SMARCC2: variants seen among roughly 807,000 people sequenced by gnomAD.
SMARCC2 encodes the protein SWI/SNF complex subunit SMARCC2.
SMARCC2 carries 15 observed loss-of-function variants against 151.3 expected under a neutral mutation model. The ratio of observed to expected loss-of-function variants is 0.10; its 90% CI spans 0.07 to 0.15. SMARCC2 has a LOEUF of 0.15. SMARCC2 is among the 10% of genes least tolerant of loss of function. The pLI, the probability that SMARCC2 is intolerant of heterozygous loss-of-function variation, is 1.00. For missense variants in SMARCC2, 1,031 were observed against 1,599.7 expected (o/e 0.64, Z 6.06); for synonymous variants, 590 against 609.5 (o/e 0.97, Z 0.47).
At chr12:56,163,880 G>A (rs1210167290) in intron 28 of SMARCC2, 115 bp from the exon 29 acceptor site, 3 of 617,724 alleles carry the variant, frequency 4.9e-6, no homozygotes, top group Admixed American at 3.8e-5. Flanking sequence ...GTGGATGAAT[G>A]AGGTACCCAT....
At position 56,168,102 on chromosome 12, in the gene SMARCC2, G is replaced by A. The variant is rs1453370183; in HGVS notation, c.2808C>T (p.His936=). 6.2e-7 allele frequency: 1 copy of A among 1,614,134 alleles called. No homozygotes were observed. Among genetic ancestry groups the A allele is most frequent in the South Asian group, 1.1e-5 (1 of 91,076 alleles). ...QMKKLEIKLR[H]FEELETIMDR... is the part of the protein sequence containing the mutation. ...CCATGATAGTCTCCAGCTCCTCAAA[G>A]TGCCGAAGTTTGATCTCCAACTTTT... Residue 936 remains histidine (H), a synonymous_variant, in exon 26 of 29, where the codon CAC becomes CAT. Coordinates refer to ENST00000550164, the MANE Select transcript of SMARCC2 (RefSeq NM_001330288.2).
rs771066774 is a variant in SMARCC2 at position 56,171,792 on chromosome 12, G to A, written c.2072C>T (p.Ala691Val). 1.9e-6 allele frequency: 3 copies of A among 1,613,818 alleles called. No homozygotes were observed. Among genetic ancestry groups the A allele is most frequent in the Non-Finnish European group, 8.5e-7 (1 of 1,179,814 alleles). ...EDSEASLGPL[A>V]YQPIPFSQSG... ...CTGACTGAAGGGGATGGGTTGGTAG[G>A]CCAGGGGGCCTAGGGAGGCCTCTGA... Residue 691 changes from alanine (A) to valine (V), a missense_variant, in exon 21 of 29, where the codon GCC becomes GTC. This residue lies in a region of SMARCC2 where 51 missense variants were observed against 137.9 expected (regional missense o/e 0.37). Transcript: ENST00000550164. The surrounding 1 kb of genome is among the most constrained non-coding windows in gnomAD (Gnocchi z 4.2).
rs1202931589 is a variant in SMARCC2 at position 56,178,046 on chromosome 12, T to C, written c.1358A>G (p.Lys453Arg). 3 of 1,613,342 alleles carry C rather than the reference T, an allele frequency of 1.9e-6. No individual in the cohort carries two copies. Among genetic ancestry groups the C allele is most frequent in the Non-Finnish European group, 2.5e-6 (3 of 1,179,314 alleles). The change falls in exon 15 of 29, where the codon AAG (lysine) becomes AGG (arginine). Residue 453 changes from lysine to arginine, a missense_variant. Lys to Arg is a conservative substitution (Grantham distance 26, BLOSUM62 2). Transcript: ENST00000550164. ...CATCTCTGGAGTCTTGGACTTGTTC[T>C]TGCCGTTGAAGAACTCGGGGAGAGC... ...RRALPEFFNGKNKSKTPEIYL... is the reference protein window; with the variant it reads ...RRALPEFFNGRNKSKTPEIYL...
intron 11 of SMARCC2, among the ~76,000 whole-genome samples, chr12:56,180,103 AT>A (rs940636483): frequency 6.0e-5 from 9 of 148,974 alleles, no homozygotes; most frequent in South Asian, 4.3e-4. Flanking sequence ...GCATATATAC[AT>A]TTTTTTTTCT....
rs1463610711 is a variant in SMARCC2, at chr12:56,171,004, TACAGGCATGAGC to T, written c.2347+255_2347+266del. On this transcript the variant is annotated intron_variant, in intron 22 of 28. Transcript: ENST00000550164. This position sits in a 1 kb window ranked among gnomAD's most constrained non-coding sequence, Gnocchi z 4.2. ...CCTCGGCCTCCCAAAGTGCTGAGAT[TACAGGCATGAGC>T]CACTGCGCCCGGCCTTCACAAGACT... Among the ~76,000 whole-genome samples, 1 of 152,136 alleles carries T rather than the reference TACAGGCATGAGC, an allele frequency of 6.6e-6. No individual in the cohort carries two copies. Among genetic ancestry groups the T allele is most frequent in the Non-Finnish European group, 1.5e-5 (1 of 68,022 alleles).
chr12:56,176,778 C>T (rs2135710854), intron 15 of SMARCC2, among the ~76,000 whole-genome samples: 1 of 151,556 alleles, frequency 6.6e-6, no homozygotes, highest in South Asian at 2.1e-4. Flanking sequence ...CTAGCTGGGA[C>T]TACAGATGCA....
rs1441703466 is a variant in SMARCC2 at position 56,163,079 on chromosome 12, AG to A, written c.*609del. On this transcript the variant is annotated 3_prime_UTR_variant, in exon 29 of 29. Coordinates refer to ENST00000550164, the MANE Select transcript of SMARCC2 (RefSeq NM_001330288.2). ...AAAACAGCAACAATGAGGAAGCCGC[AG>A]GAGGGATTATTAGTACGAATGAACT... is the stretch of plus-strand genomic sequence containing the variant. 1 of 151,808 alleles carries A rather than the reference AG, an allele frequency of 6.6e-6. No individual in the cohort carries two copies. Among genetic ancestry groups the A allele is most frequent in the Non-Finnish European group, 1.5e-5 (1 of 67,978 alleles). 9.4% of individuals were successfully genotyped at this position (151,808 alleles called of 1,614,324 possible). A position where few individuals can be genotyped will look rare whatever the true frequency, so the allele number is the denominator to read the frequency against.
intron 16 of SMARCC2, 102 bp from the exon 17 acceptor site, chr12:56,173,951 C>G (rs1874449255): frequency 9.7e-7 from 1 of 1,035,052 alleles, no homozygotes; most frequent in South Asian, 1.6e-5. Context: ...CCCTCCCCAC[C>G]CAACCCCGGC....
At position 56,171,240 on chromosome 12, in the gene SMARCC2, G is replaced by T. The variant is rs1321755676; in HGVS notation, c.2347+31C>A. 6.2e-7 allele frequency: 1 copy of T among 1,610,396 alleles called. No homozygotes were observed. Among genetic ancestry groups the T allele is most frequent in the East Asian group, 2.2e-5 (1 of 44,812 alleles). On this transcript the variant is annotated intron_variant, in intron 22 of 28. Transcript: ENST00000550164. The surrounding 1 kb of genome is among the most constrained non-coding windows in gnomAD (Gnocchi z 4.2). ...CAGGTAGCTCTGGATCTTGTGAAAG[G>T]CAAGAAATCTGGGAACCTGCCTGGC...
At chr12:56,173,055 G>A in intron 17 of SMARCC2, 26 bp from the exon 18 acceptor site, 2 of 1,610,310 alleles carry the variant, frequency 1.2e-6, no homozygotes, top group East Asian at 4.5e-5. Context: ...TGGCGTCATG[G>A]AGGCTGGGCA....
Position 56,163,569 on chromosome 12 carries a change from G to A in SMARCC2, c.*120C>T. ...TGAGGGCTTTGGAGGGGCGGAAGGA[G>A]CTTTCCTTACGTAGTGATGAACTCT... On this transcript the variant is annotated 3_prime_UTR_variant, in exon 29 of 29. Coordinates refer to ENST00000550164, the MANE Select transcript of SMARCC2 (RefSeq NM_001330288.2). 1 of 526,116 alleles carries A rather than the reference G, an allele frequency of 1.9e-6. No homozygotes were observed. Among genetic ancestry groups the A allele is most frequent in the Non-Finnish European group, 3.3e-6 (1 of 302,734 alleles). 32.6% of individuals were successfully genotyped at this position (526,116 alleles called of 1,614,324 possible).
At position 56,164,449 on chromosome 12, in the gene SMARCC2, T is replaced by A; in HGVS notation, c.3515A>T (p.Asn1172Ile). ...PPPNLPVSMA[N>I]PLHPNLPATT... ...CGCCGGCAGGTTAGGATGTAGAGGG[T>A]TCGCCATGGACACAGGCAGGTTAGG... is the stretch of plus-strand genomic sequence containing the variant. Residue 1172 changes from asparagine to isoleucine, a missense_variant, in exon 28 of 29, where the codon AAC (asparagine) becomes ATC (isoleucine). Physicochemically the swap from Asn to Ile is moderately radical, Grantham distance 149. Around this residue, in one of 12 missense-constraint regions of SMARCC2, gnomAD observed 310 missense variants for 350.0 expected, o/e 0.89. Coordinates refer to ENST00000550164, the MANE Select transcript of SMARCC2 (RefSeq NM_001330288.2). 1 of 1,601,196 alleles carries A rather than the reference T, an allele frequency of 6.2e-7. No individual in the cohort carries two copies. The highest frequency in any genetic ancestry group is 8.5e-7 in the Non-Finnish European group (1 of 1,175,496).
Position 56,178,063 on chromosome 12 carries a change from G to A in SMARCC2, c.1341C>T (p.Pro447=), listed in dbSNP as rs142117181. The A allele has an allele frequency of 1.4e-5, 22 of 1,613,602 alleles. No homozygotes were observed. Among genetic ancestry groups the A allele is most frequent in the East Asian group, 4.5e-5 (2 of 44,868 alleles). Residue 447 remains proline (P), a synonymous_variant, in exon 15 of 29, where the codon CCC becomes CCT. Coordinates refer to ENST00000550164, the MANE Select transcript of SMARCC2 (RefSeq NM_001330288.2). The part of the protein sequence containing the change: ...SVHAIERRAL[P]EFFNGKNKSK... ...ACTTGTTCTTGCCGTTGAAGAACTC[G>A]GGGAGAGCCCTCCGCTCAATGGCAT...
rs746959890 is a variant in SMARCC2, at chr12:56,181,523, A to G, written c.915T>C (p.Pro305=). ...TCTTCTTTGCTTCTGGGGTTGGTGAAGGAGAGGGGGAGCGCTTCCTCTTCT... is the reference window on the plus strand; with the variant it reads ...TCTTCTTTGCTTCTGGGGTTGGTGAGGGAGAGGGGGAGCGCTTCCTCTTCT... The part of the protein sequence containing the change: ...NYKKRKRSPS[P]SPTPEAKKKN... The change falls in exon 10 of 29, where the codon CCT becomes CCC. Residue 305 remains proline (P), a synonymous_variant. Transcript: ENST00000550164. 3.8e-6 allele frequency: 6 copies of G among 1,567,016 alleles called. No homozygotes were observed. Among genetic ancestry groups the G allele is most frequent in the Non-Finnish European group, 5.2e-6 (6 of 1,160,806 alleles).
chr12:56,163,350 A>G lies in SMARCC2; in HGVS notation c.*339T>C, dbSNP rs2135621405. On this transcript the variant is annotated 3_prime_UTR_variant, in exon 29 of 29. Transcript: ENST00000550164. ...TACTTTTTTTTTTTTTTTTTAATCCATAGAAAATGCAGTAGTTTGGAGGGA... is the reference window on the plus strand; with the variant it reads ...TACTTTTTTTTTTTTTTTTTAATCCGTAGAAAATGCAGTAGTTTGGAGGGA... 6.0e-6 allele frequency: 1 copy of G among 166,506 alleles called. No homozygotes were observed. Among genetic ancestry groups the G allele is most frequent in the South Asian group, 2.1e-4 (1 of 4,818 alleles). 10.3% of individuals were successfully genotyped at this position (166,506 alleles called of 1,614,324 possible).
At chr12:56,179,474 T>C (rs1455508334) in intron 11 of SMARCC2, among the ~76,000 whole-genome samples, 1 of 152,044 alleles carries the variant, frequency 6.6e-6, no homozygotes, top group African/African-American at 2.4e-5. Context: ...GAGAGAGAGC[T>C]GATTGATGAG....
rs1305292932 is a variant in SMARCC2, at chr12:56,168,641, T to G, written c.2716-447A>C. On this transcript the variant is annotated intron_variant, in intron 25 of 28. Coordinates refer to ENST00000550164, the MANE Select transcript of SMARCC2 (RefSeq NM_001330288.2). ...CACCTGCCTCAGCCTCCCAAAGTCC[T>G]GGGATTACACGCGTGAGCCACTGCG... 2.0e-5 allele frequency among the ~76,000 whole-genome samples: 3 copies of G among 151,914 alleles called. No individual in the cohort carries two copies. The East Asian group carries it at 5.9e-4, about 30-fold the overall frequency.
Position 56,165,364 on chromosome 12 carries a change from G to C in SMARCC2, c.3186C>G (p.Pro1062=). The change falls in exon 27 of 29, where the codon CCC becomes CCG. Residue 1062 remains proline, a synonymous_variant. Coordinates refer to ENST00000550164, the MANE Select transcript of SMARCC2 (RefSeq NM_001330288.2). ...CCCCTGGTGGGACTGCCCCAGGCTG[G>C]GGGGCTCCAGCTGGTTGCTGCTGCT... The part of the protein sequence containing the change: ...GPQQQQPAGA[P]QPGAVPPGVP... 6.6e-7 allele frequency: 1 copy of C among 1,505,712 alleles called. No homozygotes were observed. The highest frequency in any genetic ancestry group is 8.8e-7 in the Non-Finnish European group (1 of 1,130,124). 93.3% of individuals were successfully genotyped at this position (1,505,712 alleles called of 1,614,324 possible).
intron 11 of SMARCC2, among the ~76,000 whole-genome samples, chr12:56,180,429 G>A (rs2135728350): frequency 7.4e-6 from 1 of 134,986 alleles, no homozygotes; most frequent in East Asian, 2.3e-4. Flanking sequence ...TTGAGATGGA[G>A]TTTTGCTCTT....
Sources: allele counts gnomAD v4.1 joint callset (sites outside exome capture counted in the v4.1 genomes callset), GRCh38; gene constraint gnomAD v4.1.1; regional missense constraint gnomAD v4.1.1; non-coding constraint Gnocchi (gnomAD v3.1); transcripts MANE v1.5; gene names NCBI Gene and HGNC (gene_info 2026-07-23, HGNC 2026-07-21).